NFKB1: variants seen among roughly 807,000 people sequenced by gnomAD.
NFKB1 encodes the protein nuclear factor kappa B subunit 1.
NFKB1 carries 9 observed loss-of-function variants against 105.1 expected under a neutral mutation model. That is an observed-to-expected ratio of 0.09 (90% CI 0.05 to 0.15). NFKB1 has a LOEUF of 0.15. Among genes scored for constraint, NFKB1 ranks in the 10% least tolerant of loss-of-function variants. The pLI is 1.00. For missense variants in NFKB1, 830 were observed against 1,203.7 expected, an observed-to-expected ratio of 0.69 and a Z score of 4.59; for synonymous variants, 440 against 442.2, an observed-to-expected ratio of 1.00 and a Z score of 0.06.
chr4:102,560,867 T>A (rs1723366993), intron 5 of NFKB1, among the ~76,000 whole-genome samples: 1 of 152,202 alleles, frequency 6.6e-6, no homozygotes, highest in Admixed American at 6.5e-5. Flanking sequence ...ACTTTAATAG[T>A]ACCTACCATG....
intron 16 of NFKB1, 57 bp downstream of exon 16, chr4:102,601,066 C>T (rs1409322642): frequency 2.6e-6 from 3 of 1,135,046 alleles, no homozygotes; most frequent in Non-Finnish European, 3.9e-6. Context: ...ACTTTTTCTT[C>T]TGTTATGTTT....
rs190017717 is a variant in NFKB1, at chr4:102,597,926, G to A, written c.1637+265G>A. ...GGGCAAGAAAACTAAGATGTGTGTA[G>A]GTAATGGTACTTTTTGAAAAGCCTT... is the stretch of plus-strand genomic sequence containing the variant. On this transcript the variant is annotated intron_variant, in intron 15 of 23. Coordinates refer to ENST00000226574, the MANE Select transcript of NFKB1 (RefSeq NM_003998.4). Among the ~76,000 whole-genome samples, 99 of 152,296 alleles carry A rather than the reference G, an allele frequency of 6.5e-4. 1 individual carries two copies. The highest frequency in any genetic ancestry group is 2.2e-3 in the African/African-American group (91 of 41,556).
At chr4:102,522,074 A>C (rs1740610164) in intron 1 of NFKB1, among the ~76,000 whole-genome samples, 1 of 152,200 alleles carries the variant, frequency 6.6e-6, no homozygotes, top group Non-Finnish European at 1.5e-5. Context: ...AAAGAATTGA[A>C]CAAGGGAAAG....
intron 1 of NFKB1, among the ~76,000 whole-genome samples, chr4:102,506,673 T>G (rs1207254490): frequency 6.6e-6 from 1 of 152,108 alleles, no homozygotes; most frequent in Non-Finnish European, 1.5e-5. Flanking sequence ...AAGAGCAAAA[T>G]GCCAATACTC....
chr4:102,502,390 G>GCGCACACACACACACACACA (rs1311577382), intron 1 of NFKB1, among the ~76,000 whole-genome samples: 11 of 105,392 alleles, frequency 1.0e-4, no homozygotes, highest in African/African-American at 4.2e-4. Context: ...GCGCGCGCGC[G>GCGCACACACACACACACACA]CACACACACA....
chr4:102,533,718 A>T, intron 3 of NFKB1, 127 bp from the exon 4 acceptor site: 1 of 772,628 alleles, frequency 1.3e-6, no homozygotes, highest in Non-Finnish European at 2.2e-6. Flanking sequence ...TGGAATTTTA[A>T]CCAAAAATTG....
intron 5 of NFKB1, among the ~76,000 whole-genome samples, chr4:102,563,839 T>TTTTA (rs562663405): frequency 6.7e-5 from 10 of 148,772 alleles, no homozygotes; most frequent in African/African-American, 1.8e-4. Context: ...TTTTTTTTTT[T>TTTTA]AAACGGAGTC....
At chr4:102,615,170 A>T (rs996765319) in intron 23 of NFKB1, among the ~76,000 whole-genome samples, 2 of 152,206 alleles carry the variant, frequency 1.3e-5, no homozygotes, top group African/African-American at 4.8e-5. Context: ...CAGTTCATTC[A>T]GTCATTCATT....
rs368868213 is a variant in NFKB1 at position 102,608,045 on chromosome 4, T to C, written c.2227+294T>C. On this transcript the variant is annotated intron_variant, in intron 19 of 23. Coordinates refer to ENST00000226574, the MANE Select transcript of NFKB1 (RefSeq NM_003998.4). ...GACAAAGGGTCTTTTCAAAGTAGAGTTTGATTCCTTATAGAATTCTGAGTG... is the reference window on the plus strand; with the variant it reads ...GACAAAGGGTCTTTTCAAAGTAGAGCTTGATTCCTTATAGAATTCTGAGTG... Among the ~76,000 whole-genome samples, 156 of 152,340 alleles carry C rather than the reference T, an allele frequency of 1.0e-3. 1 individual carries two copies. The South Asian group carries it at 0.029, about 28-fold the overall frequency.
intron 7 of NFKB1, chr4:102,577,740 C>G (rs940772035): frequency 4.9e-6 from 4 of 810,282 alleles, no homozygotes; most frequent in Non-Finnish European, 6.0e-6. Context: ...CCTTCCCATC[C>G]TCACTGACTC....
chr4:102,511,499 A>G (rs995673439), intron 1 of NFKB1, among the ~76,000 whole-genome samples: 1 of 152,040 alleles, frequency 6.6e-6, no homozygotes, highest in African/African-American at 2.4e-5. Context: ...AAATAGCGAG[A>G]CCCCAGTCTC....
At chr4:102,538,462 T>A (rs976462004) in intron 5 of NFKB1, among the ~76,000 whole-genome samples, 2 of 152,216 alleles carry the variant, frequency 1.3e-5, no homozygotes, top group Admixed American at 1.3e-4. Flanking sequence ...TAATAGTATA[T>A]ACTTCATAAG....
chr4:102,584,563 A>G, intron 10 of NFKB1, 119 bp from the exon 11 acceptor site: 2 of 966,416 alleles, frequency 2.1e-6, no homozygotes, highest in South Asian at 5.3e-5. Context: ...TTTTTAGTAC[A>G]CTGTGTCTAA....
chr4:102,534,705 C>T (rs1024194081), intron 4 of NFKB1, among the ~76,000 whole-genome samples: 15 of 152,274 alleles, frequency 9.9e-5, no homozygotes, highest in African/African-American at 2.9e-4. Context: ...AAACTAATCA[C>T]ATTTGTGTGT....
At chr4:102,598,546 T>A (rs1262594807) in intron 15 of NFKB1, among the ~76,000 whole-genome samples, 1 of 152,204 alleles carries the variant, frequency 6.6e-6, no homozygotes, top group Non-Finnish European at 1.5e-5. Context: ...TTCTCATTCC[T>A]TGCAACGTAA....
chr4:102,567,259 CTG>C (rs1053932211), intron 6 of NFKB1, 124 bp downstream of exon 6: 2 of 1,004,028 alleles, frequency 2.0e-6, no homozygotes, highest in African/African-American at 1.6e-5. Context: ...CCTCAAAAAA[CTG>C]TGTAAACTTG....
intron 20 of NFKB1, among the ~76,000 whole-genome samples, chr4:102,611,499 C>T (rs1039399115): frequency 5.3e-5 from 8 of 152,242 alleles, no homozygotes; most frequent in African/African-American, 1.7e-4. Flanking sequence ...ACAAATGCCT[C>T]GGCAGCTACA....
Position 102,525,562 on chromosome 4 carries a change from G to C in NFKB1, c.39+5G>C. 6.2e-7 allele frequency: 1 copy of C among 1,611,362 alleles called. No individual in the cohort carries two copies. The highest frequency in any genetic ancestry group is 8.5e-7 in the Non-Finnish European group (1 of 1,178,004). On this transcript the variant is annotated splice_donor_5th_base_variant and intron_variant, in intron 2 of 23. Transcript: ENST00000226574. ...TATTTGGGAAGGCCTGAACAAGTAA[G>C]TGTCATAATCTCACTGATAACTTTA... is the stretch of plus-strand genomic sequence containing the variant.
intron 19 of NFKB1, 151 bp from the exon 20 acceptor site, chr4:102,610,423 TA>T (rs772142498): frequency 1.7e-5 from 12 of 700,666 alleles, no homozygotes; most frequent in Admixed American, 5.4e-5. Context: ...TTTCTCTGGA[TA>T]TTCCAGTAGA....
Sources: gnomAD v4.1 joint callset for allele counts (sites outside exome capture counted in the v4.1 genomes callset) on GRCh38, gnomAD v4.1.1 for gene constraint, MANE v1.5 for transcripts, NCBI Gene and HGNC (gene_info 2026-07-23, HGNC 2026-07-21) for gene names.